Variants in CDH13 observed in about 807,000 individuals in gnomAD.
CDH13 encodes the protein cadherin-13.
Under a neutral mutation model 63.8 loss-of-function variants are expected in CDH13, and 24 were observed. The observed-to-expected ratio is 0.38, with a 90% confidence interval of 0.27 to 0.53. CDH13 has a LOEUF of 0.53. Ranked by LOEUF, CDH13 falls within the 20% of genes least tolerant of loss-of-function variation. The pLI is 0.85. For missense variants in CDH13, 1,049 were observed against 903.1 expected, an observed-to-expected ratio of 1.16 and a Z score of -2.07; for synonymous variants, 503 against 355.3, an observed-to-expected ratio of 1.42 and a Z score of -4.67.
intron 2 of CDH13, among the ~76,000 whole-genome samples, chr16:82,938,374 G>A (rs2042732667): frequency 6.6e-6 from 1 of 152,212 alleles, no homozygotes. Flanking sequence ...CAGATTAAAT[G>A]ATCAATGTTT....
At chr16:83,185,383 A>C (rs539217080) in intron 4 of CDH13, among the ~76,000 whole-genome samples, 2 of 152,218 alleles carry the variant, frequency 1.3e-5, no homozygotes, top group Non-Finnish European at 2.9e-5. Context: ...ATTTCTCAGT[A>C]AGTTTCTGTG....
intron 2 of CDH13, among the ~76,000 whole-genome samples, chr16:82,968,106 C>G (rs2151359826): frequency 6.6e-6 from 1 of 152,252 alleles, no homozygotes; most frequent in Non-Finnish European, 1.5e-5. Context: ...AATTTATTTC[C>G]AATTTTAAAA....
chr16:83,460,699 A>T (rs1387874435), intron 6 of CDH13, among the ~76,000 whole-genome samples: 1 of 152,236 alleles, frequency 6.6e-6, no homozygotes, highest in Non-Finnish European at 1.5e-5. Flanking sequence ...TAATAGATTT[A>T]AAATTGCAGA....
At chr16:82,646,643 T>G (rs530603217) in intron 1 of CDH13, among the ~76,000 whole-genome samples, 35 of 152,278 alleles carry the variant, frequency 2.3e-4, no homozygotes, top group African/African-American at 8.4e-4. Flanking sequence ...AAGTGTGGGT[T>G]GTGAGCGATG....
At chr16:83,113,867 G>C (rs897339109) in intron 3 of CDH13, among the ~76,000 whole-genome samples, 1 of 152,168 alleles carries the variant, frequency 6.6e-6, no homozygotes, top group African/African-American at 2.4e-5. Context: ...AGTGGTCATC[G>C]GGATCCAAGC....
chr16:82,934,926 G>T (rs182817469), intron 2 of CDH13, among the ~76,000 whole-genome samples: 11 of 152,226 alleles, frequency 7.2e-5, no homozygotes, highest in East Asian at 1.9e-4. Context: ...ACATTTTCCT[G>T]TGTTCTTCTG....
intron 1 of CDH13, among the ~76,000 whole-genome samples, chr16:82,792,379 T>TGG (rs1390373347): frequency 6.6e-6 from 1 of 151,828 alleles, no homozygotes; most frequent in Non-Finnish European, 1.5e-5. Context: ...GGTGTGTGTG[T>TGG]GGGGCGTCAT....
chr16:83,183,654 G>A (rs9931994), intron 4 of CDH13, among the ~76,000 whole-genome samples: 11,992 of 152,108 alleles, frequency 0.079, 543 homozygotes, highest in Middle Eastern at 0.14. Context: ...CTTCCATTTC[G>A]CTCTGGATCC....
At chr16:83,503,566 G>A (rs528244463) in intron 7 of CDH13, among the ~76,000 whole-genome samples, 2 of 152,192 alleles carry the variant, frequency 1.3e-5, no homozygotes, top group South Asian at 4.2e-4. Flanking sequence ...TTCCTGGGGT[G>A]GAGTGGAGGA....
At chr16:83,059,553 C>G (rs535535945) in intron 3 of CDH13, among the ~76,000 whole-genome samples, 2 of 152,206 alleles carry the variant, frequency 1.3e-5, no homozygotes, top group Non-Finnish European at 2.9e-5. Context: ...AGATTGAACT[C>G]TTCGGAGATT....
intron 10 of CDH13, among the ~76,000 whole-genome samples, chr16:83,738,933 A>G (rs1911798606): frequency 6.6e-6 from 1 of 152,180 alleles, no homozygotes; most frequent in South Asian, 2.1e-4. Context: ...TTTAGGAGAA[A>G]TAGGAATTTA....
intron 2 of CDH13, among the ~76,000 whole-genome samples, chr16:82,922,765 T>G (rs1435470892): frequency 6.6e-6 from 1 of 152,062 alleles, no homozygotes; most frequent in Non-Finnish European, 1.5e-5. Flanking sequence ...GAGAGGAAAA[T>G]AAAATCTCTT....
chr16:82,943,768 GT>G (rs1904386576), intron 2 of CDH13, among the ~76,000 whole-genome samples: 1 of 152,232 alleles, frequency 6.6e-6, no homozygotes, highest in Non-Finnish European at 1.5e-5. Flanking sequence ...TTACACAGAT[GT>G]CTCTCAAGGT....
At chr16:82,975,655 TTCC>T (rs1248301633) in intron 2 of CDH13, among the ~76,000 whole-genome samples, 11 of 152,346 alleles carry the variant, frequency 7.2e-5, no homozygotes, top group African/African-American at 2.6e-4. Context: ...GTTTCTTACA[TTCC>T]TCAACTCCAA....
chr16:83,577,604 T>C (rs1456237792), intron 7 of CDH13, among the ~76,000 whole-genome samples: 2 of 152,190 alleles, frequency 1.3e-5, no homozygotes, highest in Non-Finnish European at 2.9e-5. Flanking sequence ...GGTTGTCTGC[T>C]TTTAAGCAAA....
chr16:82,823,633 G>A (rs2038107784), intron 1 of CDH13: 1 of 151,938 alleles, frequency 6.6e-6, no homozygotes, highest in African/African-American at 2.4e-5. Context: ...AACTGCAAAG[G>A]GAAATCTTAA....
intron 6 of CDH13, among the ~76,000 whole-genome samples, chr16:83,422,715 C>T (rs987224408): frequency 2.0e-5 from 3 of 152,096 alleles, no homozygotes; most frequent in Non-Finnish European, 4.4e-5. Context: ...CTCATGTGGC[C>T]ATTTGCTTGC....
At chr16:83,695,988 C>G (rs1430043057) in intron 10 of CDH13, among the ~76,000 whole-genome samples, 3 of 151,902 alleles carry the variant, frequency 2.0e-5, no homozygotes, top group Admixed American at 6.6e-5. Context: ...CTCCTGGGCT[C>G]AAGGGATCCT....
At chr16:83,340,052 C>G (rs2090687869) in intron 5 of CDH13, among the ~76,000 whole-genome samples, 1 of 152,192 alleles carries the variant, frequency 6.6e-6, no homozygotes, top group Non-Finnish European at 1.5e-5. Flanking sequence ...CCTTTCCCAT[C>G]TCTGGGACCT....
Sources: allele counts gnomAD v4.1 joint callset (sites outside exome capture counted in the v4.1 genomes callset), GRCh38; gene constraint gnomAD v4.1.1; transcripts MANE v1.5; gene names NCBI Gene and HGNC (gene_info 2026-07-23, HGNC 2026-07-21).